The following CTNNA2 variants were observed in gnomAD, a reference collection of about 807,000 sequenced individuals.
CTNNA2 encodes the protein catenin alpha-2.
In CTNNA2, 42 loss-of-function variants were observed where a neutral mutation model predicts 101.0. The ratio of observed to expected loss-of-function variants is 0.42; its 90% CI spans 0.32 to 0.54. The LOEUF (loss-of-function observed/expected upper bound fraction) is 0.54. CTNNA2 is among the 20% of genes least tolerant of loss of function. The pLI is 0.14. For missense variants in CTNNA2, 871 were observed against 1,223.1 expected, an observed-to-expected ratio of 0.71 and a Z score of 4.29; for synonymous variants, 450 against 456.4, an observed-to-expected ratio of 0.99 and a Z score of 0.18.
chr2:80,142,651 A>G (rs569564081), intron 7 of CTNNA2, among the ~76,000 whole-genome samples: 1 of 152,282 alleles, frequency 6.6e-6, no homozygotes, highest in East Asian at 1.9e-4. Flanking sequence ...AGGCCATACA[A>G]GCTTGTCCAA....
intron 9 of CTNNA2, 131 bp from the exon 10 acceptor site, chr2:80,544,851 A>C: frequency 1.2e-4 from 76 of 653,374 alleles, no homozygotes; most frequent in East Asian, 1.2e-4. Context: ...CATGAAGGCC[A>C]GGGTACCCTT....
At chr2:80,579,957 G>A (rs901996483) in intron 13 of CTNNA2, among the ~76,000 whole-genome samples, 1 of 152,204 alleles carries the variant, frequency 6.6e-6, no homozygotes, top group Non-Finnish European at 1.5e-5. Context: ...CTGGAATGTG[G>A]TCCTACTGTA....
chr2:80,038,489 G>A (rs1695813720), intron 7 of CTNNA2, among the ~76,000 whole-genome samples: 1 of 152,096 alleles, frequency 6.6e-6, no homozygotes, highest in Non-Finnish European at 1.5e-5. Flanking sequence ...GGGAGGCAGA[G>A]TCGGGCAGAT....
intron 7 of CTNNA2, among the ~76,000 whole-genome samples, chr2:80,165,528 A>AT (rs1573274778): frequency 6.6e-6 from 1 of 151,994 alleles, no homozygotes; most frequent in African/African-American, 2.4e-5. Context: ...TCTTTGAAGC[A>AT]TTTTTTTCAT....
intron 4 of CTNNA2, among the ~76,000 whole-genome samples, chr2:79,459,896 A>G (rs1484695042): frequency 6.6e-6 from 1 of 152,124 alleles, no homozygotes; most frequent in Non-Finnish European, 1.5e-5. Flanking sequence ...GCCTTTTTAA[A>G]CAACAGTCTA....
chr2:79,293,722 AAC>A (rs1675892231), intron 2 of CTNNA2, among the ~76,000 whole-genome samples: 1 of 152,172 alleles, frequency 6.6e-6, no homozygotes, highest in Admixed American at 6.5e-5. Flanking sequence ...CCTTACAACA[AAC>A]ACATTAGTGT....
chr2:80,332,140 C>G (rs933355784), intron 7 of CTNNA2, among the ~76,000 whole-genome samples: 3 of 152,120 alleles, frequency 2.0e-5, no homozygotes, highest in African/African-American at 7.2e-5. Flanking sequence ...ACTTACATGT[C>G]TTAGTTTACT....
At chr2:79,266,846 T>C (rs976922101) in intron 2 of CTNNA2, among the ~76,000 whole-genome samples, 1 of 152,060 alleles carries the variant, frequency 6.6e-6, no homozygotes, top group Non-Finnish European at 1.5e-5. Flanking sequence ...GGCAGGCAAC[T>C]CATGTATTTT....
intron 1 of CTNNA2, among the ~76,000 whole-genome samples, chr2:79,533,461 A>G (rs547636841): frequency 1.3e-5 from 2 of 152,184 alleles, no homozygotes; most frequent in Non-Finnish European, 2.9e-5. Flanking sequence ...TCAATTTTAC[A>G]GTATCTAAAA....
At chr2:79,202,340 T>G (rs993232689) in intron 2 of CTNNA2, among the ~76,000 whole-genome samples, 49 of 119,256 alleles carry the variant, frequency 4.1e-4, no homozygotes, top group African/African-American at 1.6e-3. Context: ...TTTTTATTTT[T>G]TTTATTTTTT....
chr2:80,175,145 C>T (rs1705313516), intron 7 of CTNNA2, among the ~76,000 whole-genome samples: 1 of 152,188 alleles, frequency 6.6e-6, no homozygotes, highest in South Asian at 2.1e-4. Flanking sequence ...TCAACCCACT[C>T]TTTCGGGATA....
intron 3 of CTNNA2, among the ~76,000 whole-genome samples, chr2:79,782,784 C>T (rs138208492): frequency 7.6e-4 from 115 of 152,184 alleles, no homozygotes; most frequent in South Asian, 5.8e-3. Flanking sequence ...GCCCTACTAC[C>T]GGTCAGTTTG....
chr2:80,422,902 A>G (rs1474924311), intron 9 of CTNNA2, among the ~76,000 whole-genome samples: 1 of 151,072 alleles, frequency 6.6e-6, no homozygotes, highest in Non-Finnish European at 1.5e-5. Flanking sequence ...ATGACTATTT[A>G]ATTTTTTTAA....
chr2:80,551,720 C>G (rs1039581466), intron 11 of CTNNA2, among the ~76,000 whole-genome samples: 1 of 152,188 alleles, frequency 6.6e-6, no homozygotes, highest in African/African-American at 2.4e-5. Context: ...AATGCTGTGG[C>G]CGATATGATC....
At chr2:80,260,097 A>T (rs1672487897) in intron 7 of CTNNA2, among the ~76,000 whole-genome samples, 2 of 152,170 alleles carry the variant, frequency 1.3e-5, no homozygotes, top group South Asian at 4.1e-4. Flanking sequence ...ATTTTCCGAC[A>T]TTATTGTGAA....
chr2:79,684,157 A>G (rs1355538262), intron 2 of CTNNA2, among the ~76,000 whole-genome samples: 2 of 152,200 alleles, frequency 1.3e-5, no homozygotes, highest in Admixed American at 1.3e-4. Context: ...GCAACTGAGT[A>G]GGGGTACCTT....
intron 1 of CTNNA2, among the ~76,000 whole-genome samples, chr2:79,601,553 C>T (rs1244246405): frequency 6.6e-6 from 1 of 152,168 alleles, no homozygotes; most frequent in Non-Finnish European, 1.5e-5. Flanking sequence ...CTGTTAGAAG[C>T]AAAAGCTTCA....
Position 79,644,259 on chromosome 2 carries a change from C to T in CTNNA2, c.-5-7293C>T, listed in dbSNP as rs555898071. 3.6e-4 allele frequency among the ~76,000 whole-genome samples: 55 copies of T among 152,156 alleles called. No homozygotes were observed. In the South Asian group the frequency reaches 7.9e-3, roughly 22 times the overall value. ...TTCAACATGTTGGCCAGGCTGGTCT[C>T]GAACTCCTGACCTTGTGATCCTCCC... On this transcript the variant is annotated intron_variant, in intron 1 of 18. Transcript: ENST00000402739.
chr2:80,099,173 A>G (rs1476713420), intron 7 of CTNNA2, among the ~76,000 whole-genome samples: 1 of 151,972 alleles, frequency 6.6e-6, no homozygotes, highest in Non-Finnish European at 1.5e-5. Flanking sequence ...TTCAATTCTT[A>G]TGGTGGTTAA....
Sources: gnomAD v4.1 joint callset for allele counts (sites outside exome capture counted in the v4.1 genomes callset) on GRCh38, gnomAD v4.1.1 for gene constraint, MANE v1.5 for transcripts, NCBI Gene and HGNC (gene_info 2026-07-23, HGNC 2026-07-21) for gene names.